The following DROSHA variants were observed in gnomAD, a reference collection of about 807,000 sequenced individuals.
DROSHA encodes the protein ribonuclease 3.
In DROSHA, 56 loss-of-function variants were observed where a neutral mutation model predicts 181.9. The ratio of observed to expected loss-of-function variants is 0.31; its 90% confidence interval spans 0.25 to 0.38. DROSHA has a LOEUF of 0.38. Among genes scored for constraint, DROSHA ranks in the 10% least tolerant of loss-of-function variants. DROSHA has a pLI of 1.00. For synonymous variants in DROSHA, 524 were observed against 591.2 expected (o/e 0.89, Z 1.65); for missense variants, 1,218 against 1,743.5 (o/e 0.70, Z 5.37).
intron 13 of DROSHA, among the ~76,000 whole-genome samples, chr5:31,489,876 T>TTTTTTCTTTTTC (rs371960539): frequency 0.11 from 16,583 of 151,800 alleles, 1,198 homozygotes; most frequent in East Asian, 0.22. Context: ...ACCTTACATT[T>TTTTTTCTTTTTC]TTTTTCTTTT....
At chr5:31,424,020 T>C (rs1471539061) in intron 28 of DROSHA, among the ~76,000 whole-genome samples, 2 of 152,224 alleles carry the variant, frequency 1.3e-5, no homozygotes, top group Non-Finnish European at 2.9e-5. Context: ...ACAATGTTAA[T>C]TTAGTATTTG....
chr5:31,468,016 G>T lies in DROSHA; in HGVS notation c.2289C>A (p.Asn763Lys), dbSNP rs536731391. ...RIDQLDREQF[N>K]PDVITFPIIV... ...TAATCGGAAAAGTAATCACATCGGG[G>T]TTGAACTGTTCACGATCCAGTTGAT... The change falls in exon 18 of 36, where the codon AAC becomes AAA. Residue 763 changes from asparagine to lysine, a missense_variant. Physicochemically the swap from Asn to Lys is moderately conservative, Grantham distance 94 (BLOSUM62 0). Transcript: ENST00000344624. 26 of 1,611,754 alleles carry T rather than the reference G, an allele frequency of 1.6e-5. No homozygotes were observed. Among genetic ancestry groups the T allele is most frequent in the Non-Finnish European group, 2.2e-5 (26 of 1,179,030 alleles).
intron 20 of DROSHA, among the ~76,000 whole-genome samples, chr5:31,461,317 G>T (rs892029517): frequency 1.3e-5 from 2 of 152,182 alleles, no homozygotes; most frequent in African/African-American, 4.8e-5. Flanking sequence ...TGTGATGCAT[G>T]TAAAATACCT....
intron 25 of DROSHA, among the ~76,000 whole-genome samples, chr5:31,434,669 A>C (rs997289185): frequency 6.6e-6 from 1 of 152,250 alleles, no homozygotes; most frequent in African/African-American, 2.4e-5. Flanking sequence ...GAAACCAGTC[A>C]TAAAGCTAGG....
intron 8 of DROSHA, among the ~76,000 whole-genome samples, chr5:31,511,568 G>C (rs1738683325): frequency 6.6e-6 from 1 of 151,976 alleles, no homozygotes; most frequent in Non-Finnish European, 1.5e-5. Context: ...TAGCCAGGTG[G>C]TGTGTGCCTG....
At chr5:31,444,837 A>ATATTTTT (rs1746058952) in intron 23 of DROSHA, among the ~76,000 whole-genome samples, 1 of 152,226 alleles carries the variant, frequency 6.6e-6, no homozygotes, top group South Asian at 2.1e-4. Flanking sequence ...GATCATTTTC[A>ATATTTTT]AACAAGAATT....
intron 25 of DROSHA, 93 bp from the exon 26 acceptor site, chr5:31,431,771 A>G: frequency 8.9e-7 from 1 of 1,128,350 alleles, no homozygotes; most frequent in Non-Finnish European, 1.3e-6. Context: ...TGGTGCGGAG[A>G]CGAGATGGGG....
chr5:31,513,342 A>G (rs982670885), intron 8 of DROSHA, among the ~76,000 whole-genome samples: 17 of 152,316 alleles, frequency 1.1e-4, no homozygotes, highest in African/African-American at 4.1e-4. Context: ...GCCTCCCTCC[A>G]GGTACCTTAT....
At chr5:31,479,164 T>C (rs2150033472) in intron 16 of DROSHA, among the ~76,000 whole-genome samples, 1 of 152,342 alleles carries the variant, frequency 6.6e-6, no homozygotes, top group Admixed American at 6.5e-5. Flanking sequence ...TGTAACATAT[T>C]GTTATTCCAC....
At chr5:31,442,170 G>T (rs766201331) in intron 23 of DROSHA, among the ~76,000 whole-genome samples, 1 of 152,174 alleles carries the variant, frequency 6.6e-6, no homozygotes. Flanking sequence ...GTTCTAAACA[G>T]ATTTATTCAA....
rs1275993804 is a variant in DROSHA, at chr5:31,409,016, G to A, written c.3854+40C>T. 1 of 1,588,858 alleles carries A rather than the reference G, an allele frequency of 6.3e-7. No individual in the cohort carries two copies. The highest frequency in any genetic ancestry group is 1.3e-5 in the African/African-American group (1 of 74,412). On this transcript the variant is annotated intron_variant, in intron 33 of 35. Coordinates refer to ENST00000344624, the MANE Select transcript of DROSHA (RefSeq NM_001382508.1). This position sits in a 1 kb window ranked among gnomAD's most constrained non-coding sequence, Gnocchi z 4.0. ...CACATGGAAAGTCAATTTTAGGCAT[G>A]CTGGATCCAACCAATGGCCTGCAGG... is the stretch of plus-strand genomic sequence containing the variant.
chr5:31,488,508 A>C (rs1355089698), intron 13 of DROSHA, among the ~76,000 whole-genome samples: 3 of 150,818 alleles, frequency 2.0e-5, no homozygotes, highest in East Asian at 3.9e-4. Flanking sequence ...AGAAAAATGG[A>C]GGAAAGGGAG....
chr5:31,410,249 C>T (rs949919706), intron 31 of DROSHA, among the ~76,000 whole-genome samples: 1 of 152,106 alleles, frequency 6.6e-6, no homozygotes, highest in Non-Finnish European at 1.5e-5. Context: ...ATAATCCTTT[C>T]GTTAACTATA....
chr5:31,473,597 T>C (rs1052583379), intron 16 of DROSHA, among the ~76,000 whole-genome samples: 1 of 152,026 alleles, frequency 6.6e-6, no homozygotes, highest in African/African-American at 2.4e-5. Flanking sequence ...AGAGACAATA[T>C]AAAAGAGCTA....
chr5:31,425,832 AC>A (rs1333398507), intron 27 of DROSHA, among the ~76,000 whole-genome samples: 2 of 152,088 alleles, frequency 1.3e-5, no homozygotes, highest in African/African-American at 4.8e-5. Flanking sequence ...AAGTGACTTA[AC>A]CTAAGCTTCC....
chr5:31,438,998 G>A (rs1293663514), intron 23 of DROSHA, among the ~76,000 whole-genome samples: 2 of 152,160 alleles, frequency 1.3e-5, no homozygotes, highest in African/African-American at 4.8e-5. Context: ...TTAGATTCAA[G>A]TCAGATGAGA....
intron 11 of DROSHA, among the ~76,000 whole-genome samples, chr5:31,495,777 C>T (rs916489338): frequency 1.3e-4 from 20 of 152,250 alleles, no homozygotes; most frequent in African/African-American, 4.8e-4. Context: ...GTGAGCAGGC[C>T]ACGTCAGTTG....
chr5:31,420,150 G>T (rs997378662), intron 30 of DROSHA, among the ~76,000 whole-genome samples: 2 of 152,114 alleles, frequency 1.3e-5, no homozygotes, highest in Admixed American at 1.3e-4. Context: ...ACTATTTCCA[G>T]GGCTCACTCA....
chr5:31,402,306 C>T (rs914821465), intron 35 of DROSHA, among the ~76,000 whole-genome samples: 1 of 152,166 alleles, frequency 6.6e-6, no homozygotes, highest in Non-Finnish European at 1.5e-5. Flanking sequence ...GCAGGCCCCT[C>T]ATCAGTGATC....
Sources: gnomAD v4.1 joint callset for allele counts (sites outside exome capture counted in the v4.1 genomes callset) on GRCh38, gnomAD v4.1.1 for gene constraint, Gnocchi (gnomAD v3.1) non-coding constraint, MANE v1.5 for transcripts, NCBI Gene and HGNC (gene_info 2026-07-23, HGNC 2026-07-21) for gene names.